The following TEP1 variants were observed in gnomAD, a reference collection of about 807,000 sequenced individuals.
TEP1 encodes the protein telomerase associated protein 1.
TEP1 carries 241 observed loss-of-function variants against 306.3 expected under a neutral mutation model. The ratio of observed to expected loss-of-function variants is 0.79; its 90% CI spans 0.71 to 0.88. The LOEUF is 0.88. Among genes scored for constraint, TEP1 ranks in the 40% least tolerant of loss-of-function variants. The pLI is 0.00. For missense variants in TEP1, 3,051 were observed against 3,276.1 expected (o/e 0.93, Z 1.68); for synonymous variants, 1,289 against 1,305.5 (o/e 0.99, Z 0.27).
chr14:20,377,876 C>T, intron 39 of TEP1, 123 bp from the exon 40 acceptor site: 10 of 1,472,620 alleles, frequency 6.8e-6, no homozygotes, highest in Non-Finnish European at 9.3e-6. Flanking sequence ...AGAGCTGCCC[C>T]TGCACACAGC....
chr14:20,406,380 T>C lies in TEP1; in HGVS notation c.588A>G (p.Glu196=). The change falls in exon 3 of 55, where the codon GAA becomes GAG. Residue 196 remains glutamate (E), a synonymous_variant. Transcript: ENST00000262715. ...TTTGGGTCTCTGCCCCTTTCTTCTC[T>C]TCTGAATCAAACCAACGACCCTGGG... ...EATLGRWFDS[E]EKKGAETQMP... The C allele has an allele frequency of 6.2e-7, 1 of 1,614,154 alleles. No individual in the cohort carries two copies. The highest frequency in any genetic ancestry group is 8.5e-7 in the Non-Finnish European group (1 of 1,180,018).
intron 43 of TEP1, 124 bp from the exon 44 acceptor site, chr14:20,374,660 A>G: frequency 3.3e-6 from 2 of 615,028 alleles, no homozygotes; most frequent in Non-Finnish European, 2.8e-6. Context: ...CTGGGTTCAA[A>G]TCCTAGCTCT....
Position 20,408,209 on chromosome 14 carries a change from C to T in TEP1, c.231G>A (p.Leu77=). ...AAAGTGTGGCCAGGCACTGGTTCTC[C>T]AAGGAGAGGATGTCTGGGTGGGCAG... The part of the protein sequence containing the change: ...YVSAHPDILS[L]ENQCLATLSD... Residue 77 remains leucine (L), a synonymous_variant, in exon 2 of 55, where the codon TTG becomes TTA. Transcript: ENST00000262715. 1 of 1,613,452 alleles carries T rather than the reference C, an allele frequency of 6.2e-7. No individual in the cohort carries two copies. The highest frequency in any genetic ancestry group is 1.1e-5 in the South Asian group (1 of 91,072).
At position 20,401,127 on chromosome 14, in the gene TEP1, A is replaced by G. The variant is rs146106964; in HGVS notation, c.1406T>C (p.Leu469Pro). 2.9e-4 allele frequency: 464 copies of G among 1,614,180 alleles called. 1 individual carries two copies. The African/African-American group carries it at 5.6e-3, about 20-fold the overall frequency. The change falls in exon 9 of 55, where the codon CTA (leucine) becomes CCA (proline). Residue 469 changes from leucine (L) to proline (P), a missense_variant. Leu to Pro is a moderately conservative substitution (Grantham distance 98). Transcript: ENST00000262715. The stretch of plus-strand genomic sequence containing the variant: ...AAGGCGACTTCGAGAAAAGAGCTGT[A>G]GGTTGGAGGGGTATCTGAGGATAGG... Reference protein sequence around the residue: ...ALLGYRYPSNLQLFSRSRLPG... With the variant: ...ALLGYRYPSNPQLFSRSRLPG...
chr14:20,370,767 T>C (rs949613858), intron 51 of TEP1, among the ~76,000 whole-genome samples: 1 of 152,188 alleles, frequency 6.6e-6, no homozygotes, highest in Non-Finnish European at 1.5e-5. Context: ...GGTCAGGATT[T>C]AATAACCTTC....
chr14:20,391,708 A>G lies in TEP1; in HGVS notation c.1988T>C (p.Val663Ala), dbSNP rs747396854. ...NRYRQALETA[V>A]NLSVKHSLPL... ...CAGGCTGTGCTTCACAGAGAGGTTC[A>G]CAGCTGTCTCTAGGGCCTGTCGGTA... Residue 663 changes from valine to alanine, a missense_variant, in exon 13 of 55, where the codon GTG (valine) becomes GCG (alanine). By Grantham distance (64) the Val-to-Ala change is moderately conservative. Coordinates refer to ENST00000262715, the MANE Select transcript of TEP1 (RefSeq NM_007110.5). The G allele has an allele frequency of 1.3e-5, 21 of 1,614,100 alleles. No homozygotes were observed. In the Admixed American group the frequency reaches 2.3e-4, roughly 18 times the overall value.
chr14:20,403,683 A>G, intron 6 of TEP1, 40 bp downstream of exon 6: 2 of 1,611,872 alleles, frequency 1.2e-6, no homozygotes, highest in Non-Finnish European at 1.7e-6. Context: ...CCCTTCCTGG[A>G]GAAAAGGGGC....
rs1227533480 is a variant in TEP1, at chr14:20,378,776, ACGGTGGCTAG to A, written c.5320_5329del (p.Leu1774CysfsTer7). ...TACCTTTAGGCATCCTCCCAAGCAC[ACGGTGGCTAG>A]CAGCCGGCAGTCTGGGCTCAGGCAG... On this transcript the variant is annotated frameshift_variant, in exon 37 of 55. Coordinates refer to ENST00000262715, the MANE Select transcript of TEP1 (RefSeq NM_007110.5). LOFTEE classifies it high-confidence loss of function. 1.2e-6 allele frequency: 2 copies of A among 1,614,048 alleles called. No individual in the cohort carries two copies.
At chr14:20,402,954 C>T (rs576930509) in intron 7 of TEP1, among the ~76,000 whole-genome samples, 6 of 151,972 alleles carry the variant, frequency 3.9e-5, no homozygotes, top group South Asian at 2.1e-4. Context: ...GTCAGGAGTT[C>T]GAGACCAGCC....
At chr14:20,407,301 AG>A (rs2139201073) in intron 2 of TEP1, among the ~76,000 whole-genome samples, 1 of 152,356 alleles carries the variant, frequency 6.6e-6, no homozygotes, top group African/African-American at 2.4e-5. Flanking sequence ...AGTAACATTA[AG>A]CTGGCTCACC....
intron 35 of TEP1, among the ~76,000 whole-genome samples, chr14:20,379,546 A>T (rs1014790207): frequency 6.6e-6 from 1 of 152,196 alleles, no homozygotes; most frequent in African/African-American, 2.4e-5. Context: ...TTGTTCAAAC[A>T]AGAGTGCCTG....
chr14:20,411,704 T>C (rs189331785), intron 1 of TEP1, among the ~76,000 whole-genome samples: 194 of 152,188 alleles, frequency 1.3e-3, no homozygotes, highest in African/African-American at 4.5e-3. Flanking sequence ...GTATATACTG[T>C]TTTGTGCTCA....
At chr14:20,411,104 G>A (rs1407783182) in intron 1 of TEP1, among the ~76,000 whole-genome samples, 1 of 152,110 alleles carries the variant, frequency 6.6e-6, no homozygotes, top group Admixed American at 6.6e-5. Context: ...ACAGGCGTGA[G>A]CCACCGCACC....
rs147119551 is a variant in TEP1 at position 20,373,007 on chromosome 14, T to C, written c.6951+4A>G. Reference sequence around the variant, plus strand: ...GACAAAGAACCAAGGGTACACCGACTCACCTGTGCTGTGGCCACAGCCTTA... The same window carrying C: ...GACAAAGAACCAAGGGTACACCGACCCACCTGTGCTGTGGCCACAGCCTTA... On this transcript the variant is annotated splice_donor_region_variant and intron_variant, in intron 48 of 54. Transcript: ENST00000262715. 4 of 1,614,168 alleles carry C rather than the reference T, an allele frequency of 2.5e-6. No homozygotes were observed. In the South Asian group the frequency reaches 3.3e-5, roughly 13 times the overall value.
intron 35 of TEP1, among the ~76,000 whole-genome samples, chr14:20,379,544 A>G (rs1362865701): frequency 6.6e-6 from 1 of 152,212 alleles, no homozygotes; most frequent in East Asian, 1.9e-4. Flanking sequence ...CCTTGTTCAA[A>G]CAAGAGTGCC....
chr14:20,388,342 T>C (rs985381760), intron 17 of TEP1, among the ~76,000 whole-genome samples: 5 of 151,656 alleles, frequency 3.3e-5, no homozygotes, highest in African/African-American at 1.2e-4. Context: ...TAGGGAAAGG[T>C]GTAAAGATTA....
intron 1 of TEP1, among the ~76,000 whole-genome samples, chr14:20,409,381 G>A (rs755432355): frequency 1.1e-4 from 16 of 152,094 alleles, no homozygotes; most frequent in Non-Finnish European, 1.6e-4. Flanking sequence ...TCCTGGAGTG[G>A]TCTCACCCAC....
intron 1 of TEP1, among the ~76,000 whole-genome samples, chr14:20,409,987 C>T (rs776202363): frequency 7.7e-6 from 1 of 130,100 alleles, no homozygotes; most frequent in Non-Finnish European, 1.6e-5. Context: ...GGCCACTGCA[C>T]TCCAGCCTGG....
intron 44 of TEP1, 142 bp from the exon 45 acceptor site, chr14:20,373,952 T>C: frequency 8.7e-7 from 1 of 1,152,108 alleles, no homozygotes; most frequent in South Asian, 1.5e-5. Flanking sequence ...TGGGGTTGGG[T>C]GGCTCAGGAC....
Sources: gnomAD v4.1 joint callset for allele counts (sites outside exome capture counted in the v4.1 genomes callset) on GRCh38, gnomAD v4.1.1 for gene constraint, MANE v1.5 for transcripts, NCBI Gene and HGNC (gene_info 2026-07-23, HGNC 2026-07-21) for gene names.